RAB1A: variants seen among roughly 807,000 people sequenced by gnomAD.
RAB1A encodes ras-related protein Rab-1A.
A neutral mutation model predicts 26.0 loss-of-function variants in RAB1A; 2 were observed. The observed-to-expected ratio is 0.08, with a 90% CI of 0.03 to 0.24. RAB1A has a LOEUF of 0.24. Among genes scored for constraint, RAB1A ranks in the 10% least tolerant of loss-of-function variants. RAB1A has a pLI of 1.00. For missense variants in RAB1A, 100 were observed against 247.0 expected, an observed-to-expected ratio of 0.40 and a Z score of 3.99; for synonymous variants, 84 against 84.9, an observed-to-expected ratio of 0.99 and a Z score of 0.06.
At chr2:65,117,799 G>C (rs1276603809) in intron 1 of RAB1A, among the ~76,000 whole-genome samples, 1 of 149,696 alleles carries the variant, frequency 6.7e-6, no homozygotes, top group Non-Finnish European at 1.5e-5. Flanking sequence ...TCAAACTCCT[G>C]AGCTCAAGTG....
intron 1 of RAB1A, among the ~76,000 whole-genome samples, chr2:65,126,555 A>G (rs1026374318): frequency 6.6e-6 from 1 of 152,228 alleles, no homozygotes; most frequent in African/African-American, 2.4e-5. Flanking sequence ...TCCCATTTTC[A>G]CTACCAAATT....
intron 3 of RAB1A, among the ~76,000 whole-genome samples, chr2:65,095,090 C>A (rs1421887476): frequency 1.3e-5 from 2 of 151,542 alleles, no homozygotes; most frequent in South Asian, 4.2e-4. Flanking sequence ...TGCACTCTAG[C>A]GAGGGAGACA....
intron 1 of RAB1A, among the ~76,000 whole-genome samples, chr2:65,109,954 A>G (rs1478788619): frequency 6.6e-6 from 1 of 152,146 alleles, no homozygotes; most frequent in Non-Finnish European, 1.5e-5. Flanking sequence ...TTACTCATCT[A>G]CGTATACAAG....
intron 3 of RAB1A, among the ~76,000 whole-genome samples, chr2:65,093,513 T>G (rs955074507): frequency 4.6e-5 from 7 of 151,986 alleles, no homozygotes; most frequent in Non-Finnish European, 8.8e-5. Flanking sequence ...AAAAGATAAT[T>G]AAAATATAAA....
chr2:65,129,930 C>A lies in RAB1A; in HGVS notation c.-15G>T. ...ATGCTGGACATGTCACTGCAGCTGC[C>A]GCCGCCGCCACCGCCGCCCTTGCTG... On this transcript the variant is annotated 5_prime_UTR_variant, in exon 1 of 6. Transcript: ENST00000409784. The A allele has an allele frequency of 6.3e-7, 1 of 1,584,428 alleles. No individual in the cohort carries two copies. Among genetic ancestry groups the A allele is most frequent in the East Asian group, 2.3e-5 (1 of 43,068 alleles).
At chr2:65,094,325 C>A (rs1669235801) in intron 3 of RAB1A, among the ~76,000 whole-genome samples, 1 of 152,218 alleles carries the variant, frequency 6.6e-6, no homozygotes, top group South Asian at 2.1e-4. Context: ...TGGCTCACGA[C>A]TGTAATCCCA....
intron 1 of RAB1A, among the ~76,000 whole-genome samples, chr2:65,121,475 G>C (rs1669963689): frequency 6.6e-6 from 1 of 151,996 alleles, no homozygotes; most frequent in Non-Finnish European, 1.5e-5. Context: ...CCAGCCAATT[G>C]AGCCAACCTG....
chr2:65,100,517 T>G (rs956410319), intron 2 of RAB1A, among the ~76,000 whole-genome samples: 2 of 151,898 alleles, frequency 1.3e-5, no homozygotes, highest in Non-Finnish European at 2.9e-5. Context: ...CCCAGCACTT[T>G]GGGAGGCCAA....
intron 2 of RAB1A, among the ~76,000 whole-genome samples, chr2:65,102,236 AAT>A (rs1669447450): frequency 6.6e-6 from 1 of 152,102 alleles, no homozygotes. Context: ...AATTAATTTT[AAT>A]AGTCAAATTT....
intron 1 of RAB1A, among the ~76,000 whole-genome samples, chr2:65,105,832 G>A (rs1422532043): frequency 6.6e-6 from 1 of 151,568 alleles, no homozygotes; most frequent in Non-Finnish European, 1.5e-5. Context: ...GCGCGATCTC[G>A]GCTCACTGCA....
At chr2:65,101,153 A>AAG (rs1046242791) in intron 2 of RAB1A, among the ~76,000 whole-genome samples, 3 of 151,272 alleles carry the variant, frequency 2.0e-5, no homozygotes, top group African/African-American at 7.3e-5. Flanking sequence ...CTCAAAAAAA[A>AAG]AAAGAAAAAG....
At chr2:65,093,287 C>T (rs922303760) in intron 3 of RAB1A, among the ~76,000 whole-genome samples, 2 of 152,174 alleles carry the variant, frequency 1.3e-5, no homozygotes, top group African/African-American at 4.8e-5. Flanking sequence ...TTGTCTGCCT[C>T]CTAATGGACT....
intron 1 of RAB1A, among the ~76,000 whole-genome samples, chr2:65,122,323 G>A (rs1458388573): frequency 6.6e-6 from 1 of 151,534 alleles, no homozygotes; most frequent in African/African-American, 2.4e-5. Context: ...TGAGGCAGGT[G>A]GATCTCGAGA....
intron 1 of RAB1A, among the ~76,000 whole-genome samples, chr2:65,120,698 C>A (rs1669942639): frequency 1.3e-5 from 2 of 151,894 alleles, no homozygotes; most frequent in Non-Finnish European, 2.9e-5. Context: ...GGAGCAGATG[C>A]ATCAAATGTA....
At chr2:65,100,686 G>C (rs900075695) in intron 2 of RAB1A, among the ~76,000 whole-genome samples, 32 of 150,042 alleles carry the variant, frequency 2.1e-4, no homozygotes, top group African/African-American at 7.4e-4. Flanking sequence ...TTGAACCCAT[G>C]AGGTGGAGGC....
At chr2:65,100,366 A>G (rs887141032) in intron 2 of RAB1A, among the ~76,000 whole-genome samples, 9 of 140,658 alleles carry the variant, frequency 6.4e-5, no homozygotes, top group Non-Finnish European at 1.3e-4. Flanking sequence ...GTGCCACTGC[A>G]CTCCAGCCCA....
chr2:65,091,148 G>A (rs1055216213), intron 3 of RAB1A, 70 bp from the exon 4 acceptor site: 5 of 1,208,576 alleles, frequency 4.1e-6, no homozygotes, highest in Non-Finnish European at 6.0e-6. Context: ...GTAGGAGGGA[G>A]GGGAAATAGT....
chr2:65,116,575 AAGC>A (rs1270419549), intron 1 of RAB1A, among the ~76,000 whole-genome samples: 2 of 152,230 alleles, frequency 1.3e-5, no homozygotes, highest in Non-Finnish European at 2.9e-5. Context: ...GCACATACAG[AAGC>A]ACAGTAAGTG....
chr2:65,114,864 C>A (rs2080343), intron 1 of RAB1A, among the ~76,000 whole-genome samples: 3,088 of 146,702 alleles, frequency 0.021, 101 homozygotes, highest in African/African-American at 0.066. Flanking sequence ...AAAAAAAAAA[C>A]AAAAAAAAAA....
Sources: gnomAD v4.1 joint callset for allele counts (sites outside exome capture counted in the v4.1 genomes callset) on GRCh38, gnomAD v4.1.1 for gene constraint, MANE v1.5 for transcripts, NCBI Gene and HGNC (gene_info 2026-07-23, HGNC 2026-07-21) for gene names.